The following MRAP2 variants were observed in gnomAD, a reference collection of about 807,000 sequenced individuals.
MRAP2 encodes the protein melanocortin 2 receptor accessory protein 2.
MRAP2 carries 20 observed loss-of-function variants against 17.4 expected under a neutral mutation model. The observed-to-expected ratio is 1.15, with a 90% CI of 0.81 to 1.67. The LOEUF (loss-of-function observed/expected upper bound fraction) is 1.67, where lower values mean the gene tolerates loss of function less well. Ranked by LOEUF, MRAP2 falls within the 40% of genes most tolerant of loss-of-function variation. MRAP2 has a pLI of 0.00. For synonymous variants in MRAP2, 96 were observed against 88.4 expected, an observed-to-expected ratio of 1.09 and a Z score of -0.48; for missense variants, 238 against 240.0, an observed-to-expected ratio of 0.99 and a Z score of 0.05.
intron 3 of MRAP2, chr6:84,063,326 T>G: frequency 1.0e-6 from 1 of 985,118 alleles, no homozygotes; most frequent in Non-Finnish European, 1.2e-6. Context: ...ATTTAGATGA[T>G]TCACCATATT....
At chr6:84,114,158 T>C in the MRAP2 span, among the ~76,000 whole-genome samples, 1 of 152,186 alleles carries the variant, frequency 6.6e-6, no homozygotes, top group Admixed American at 6.5e-5. Flanking sequence ...TCCTGGATAA[T>C]ATCCTGAAGA....
chr6:84,114,268 G>C, the MRAP2 span, among the ~76,000 whole-genome samples: 2 of 151,950 alleles, frequency 1.3e-5, no homozygotes, highest in Admixed American at 6.6e-5. Context: ...TGGAGACTTT[G>C]TTCATTCCTT....
At chr6:84,142,356 GA>G in the MRAP2 span, among the ~76,000 whole-genome samples, 7 of 152,270 alleles carry the variant, frequency 4.6e-5, no homozygotes, top group East Asian at 1.4e-3. Flanking sequence ...ACTTTAAAAT[GA>G]AAGCTATATG....
the MRAP2 span, among the ~76,000 whole-genome samples, chr6:84,100,535 G>A: frequency 0.023 from 3,559 of 152,244 alleles, 138 homozygotes; most frequent in African/African-American, 0.08. Flanking sequence ...CTGAAGTGCT[G>A]AAATTACAGG....
chr6:84,051,514 A>T (rs1004534537), intron 1 of MRAP2, among the ~76,000 whole-genome samples: 2 of 152,186 alleles, frequency 1.3e-5, no homozygotes, highest in African/African-American at 4.8e-5. Flanking sequence ...CAGAGATTGC[A>T]CCACTGCACT....
chr6:84,101,652 T>C, the MRAP2 span, among the ~76,000 whole-genome samples: 43 of 152,360 alleles, frequency 2.8e-4, no homozygotes, highest in South Asian at 1.2e-3. Flanking sequence ...AAGCATCATA[T>C]GTTTAAAAGC....
the MRAP2 span, among the ~76,000 whole-genome samples, chr6:84,143,047 T>G: frequency 6.6e-6 from 1 of 152,178 alleles, no homozygotes; most frequent in South Asian, 2.1e-4. Context: ...GTTTTATGTT[T>G]GTAAAAAAAA....
chr6:84,069,127 C>T (rs2099495546), intron 3 of MRAP2, among the ~76,000 whole-genome samples: 1 of 151,834 alleles, frequency 6.6e-6, no homozygotes, highest in Non-Finnish European at 1.5e-5. Flanking sequence ...CTAGGACTTC[C>T]AGTACTATGT....
intron 3 of MRAP2, among the ~76,000 whole-genome samples, chr6:84,069,587 T>C (rs1261930238): frequency 6.6e-6 from 1 of 152,164 alleles, no homozygotes; most frequent in Non-Finnish European, 1.5e-5. Flanking sequence ...GGTTTTAGTA[T>C]TGGGGTGATG....
intron 3 of MRAP2, among the ~76,000 whole-genome samples, chr6:84,075,701 C>T (rs2099497416): frequency 6.6e-6 from 1 of 152,134 alleles, no homozygotes; most frequent in Admixed American, 6.5e-5. Flanking sequence ...CCTCACATAC[C>T]CTCCTTTTGT....
the MRAP2 span, among the ~76,000 whole-genome samples, chr6:84,135,323 T>C: frequency 6.6e-6 from 1 of 152,252 alleles, no homozygotes; most frequent in East Asian, 1.9e-4. Flanking sequence ...AAAAGAGTGA[T>C]TCACCCAGAT....
the MRAP2 span, among the ~76,000 whole-genome samples, chr6:84,105,474 A>G: frequency 0.023 from 3,516 of 152,254 alleles, 139 homozygotes; most frequent in African/African-American, 0.08. Context: ...CATGAGACTT[A>G]TTCACTATCA....
At chr6:84,124,268 T>C in the MRAP2 span, 1 of 152,176 alleles carries the variant, frequency 6.6e-6, no homozygotes. Flanking sequence ...CATGTATGTT[T>C]ATTGCAGCAA....
rs533282938 is a variant in MRAP2, at chr6:84,033,796, A to AGGC, written c.-78_-76dup. On this transcript the variant is annotated 5_prime_UTR_variant, in exon 1 of 4. Coordinates refer to ENST00000257776, the MANE Select transcript of MRAP2 (RefSeq NM_138409.4). ...TACTCGCCCGGCCCTGGGCGGTGGG[A>AGGC]GGCGGCGGCGGCGGCGGCGCTCGCG... The AGGC allele has an allele frequency of 9.9e-5, 98 of 986,558 alleles. No homozygotes were observed. Among genetic ancestry groups the AGGC allele is most frequent in the Middle Eastern group, 5.2e-4 (1 of 1,914 alleles). The allele number at this position is 986,558 out of a possible 1,614,324, so 61.1% of individuals were successfully genotyped here.
the MRAP2 span, among the ~76,000 whole-genome samples, chr6:84,141,829 T>C: frequency 6.6e-6 from 1 of 152,166 alleles, no homozygotes; most frequent in African/African-American, 2.4e-5. Context: ...GGCCTTCTTA[T>C]ATTTTGGGCC....
the MRAP2 span, among the ~76,000 whole-genome samples, chr6:84,102,851 A>AT: frequency 6.6e-6 from 1 of 152,226 alleles, no homozygotes; most frequent in African/African-American, 2.4e-5. Flanking sequence ...GTGTCAAGCA[A>AT]TTTTTTAGGA....
At chr6:84,036,245 G>A (rs2099485938) in intron 1 of MRAP2, among the ~76,000 whole-genome samples, 1 of 151,968 alleles carries the variant, frequency 6.6e-6, no homozygotes, top group Admixed American at 6.6e-5. Flanking sequence ...GAGTATGAGG[G>A]TTCATCATGC....
At chr6:84,096,468 C>T in the MRAP2 span, among the ~76,000 whole-genome samples, 1 of 152,182 alleles carries the variant, frequency 6.6e-6, no homozygotes, top group African/African-American at 2.4e-5. Flanking sequence ...CCCACAGACC[C>T]TATGACCTAC....
At chr6:84,128,359 A>C in the MRAP2 span, among the ~76,000 whole-genome samples, 1 of 149,194 alleles carries the variant, frequency 6.7e-6, no homozygotes, top group East Asian at 1.9e-4. Context: ...CTGAATACTT[A>C]ATAAGCAAAC....
Sources: gnomAD v4.1 joint callset for allele counts (sites outside exome capture counted in the v4.1 genomes callset) on GRCh38, gnomAD v4.1.1 for gene constraint, MANE v1.5 for transcripts, NCBI Gene and HGNC (gene_info 2026-07-23, HGNC 2026-07-21) for gene names.